Variants in PLXNA4 observed in about 807,000 individuals in gnomAD.
The protein encoded by PLXNA4 is plexin A4, also known as plexin-A4.
In PLXNA4, 44 loss-of-function variants were observed where a neutral mutation model predicts 191.8. The observed-to-expected ratio is 0.23, with a 90% CI of 0.18 to 0.29. The LOEUF (loss-of-function observed/expected upper bound fraction) is 0.29, where lower values mean the gene tolerates loss of function less well. PLXNA4 is among the 10% of genes least tolerant of loss of function. PLXNA4 has a pLI of 1.00. For missense variants in PLXNA4, 1,800 were observed against 2,488.8 expected (o/e 0.72, Z 5.89); for synonymous variants, 1,082 against 1,009.5 (o/e 1.07, Z -1.36).
chr7:132,495,866 G>A (rs1797992727), intron 2 of PLXNA4, among the ~76,000 whole-genome samples: 1 of 152,172 alleles, frequency 6.6e-6, no homozygotes, highest in Non-Finnish European at 1.5e-5. Context: ...AGGGAAATAG[G>A]CACTAGATGA....
intron 25 of PLXNA4, among the ~76,000 whole-genome samples, chr7:132,151,310 G>GGAGA (rs1562884876): frequency 2.8e-5 from 1 of 35,530 alleles, no homozygotes. Context: ...GGAGGAGGAA[G>GGAGA]AAGGAGGAGG....
intron 20 of PLXNA4, 41 bp downstream of exon 20, chr7:132,179,646 A>ACG (rs372745777): frequency 1.3e-6 from 2 of 1,591,700 alleles, no homozygotes; most frequent in Non-Finnish European, 1.7e-6. Context: ...ATATGCACAC[A>ACG]CGCACACACA....
At chr7:132,211,457 C>G (rs191689279) in intron 9 of PLXNA4, among the ~76,000 whole-genome samples, 98 of 152,358 alleles carry the variant, frequency 6.4e-4, no homozygotes, top group Non-Finnish European at 1.2e-3. Flanking sequence ...CTAGTAGAGA[C>G]TGCCTCTGCG....
chr7:132,527,846 A>T (rs1799467307), intron 1 of PLXNA4, among the ~76,000 whole-genome samples: 1 of 152,182 alleles, frequency 6.6e-6, no homozygotes, highest in Admixed American at 6.5e-5. Context: ...AACAGCCCTG[A>T]GAGGTAACTG....
At chr7:132,268,188 T>C (rs1255701019) in intron 4 of PLXNA4, among the ~76,000 whole-genome samples, 3 of 152,190 alleles carry the variant, frequency 2.0e-5, no homozygotes, top group Admixed American at 6.5e-5. Flanking sequence ...GGCCTTGAGA[T>C]ACAACGTGGC....
At chr7:132,443,359 A>C (rs550868607) in intron 3 of PLXNA4, among the ~76,000 whole-genome samples, 1 of 152,254 alleles carries the variant, frequency 6.6e-6, no homozygotes, top group East Asian at 1.9e-4. Context: ...CTTCAGAGAG[A>C]GCAGTCGCAC....
At chr7:132,317,987 T>A (rs1324677933) in intron 3 of PLXNA4, among the ~76,000 whole-genome samples, 3 of 152,190 alleles carry the variant, frequency 2.0e-5, no homozygotes, top group Non-Finnish European at 2.9e-5. Context: ...AGCGCAAGAA[T>A]CTGTGCCTCC....
At chr7:132,481,169 C>T (rs979261952) in intron 3 of PLXNA4, among the ~76,000 whole-genome samples, 3 of 152,074 alleles carry the variant, frequency 2.0e-5, no homozygotes, top group Non-Finnish European at 4.4e-5. Flanking sequence ...AAGTGCTCCC[C>T]TCTTTAATCC....
intron 4 of PLXNA4, among the ~76,000 whole-genome samples, chr7:132,282,809 G>A (rs1331761127): frequency 6.6e-6 from 1 of 152,092 alleles, no homozygotes; most frequent in Non-Finnish European, 1.5e-5. Flanking sequence ...GAGCAAAACA[G>A]TAAATAAGTA....
intron 24 of PLXNA4, among the ~76,000 whole-genome samples, chr7:132,160,647 C>T (rs1398734331): frequency 1.3e-5 from 2 of 152,128 alleles, no homozygotes; most frequent in Non-Finnish European, 2.9e-5. Context: ...TGGCCCTCCC[C>T]TTCTGGGCTC....
At chr7:132,201,659 C>T (rs1797437993) in intron 12 of PLXNA4, among the ~76,000 whole-genome samples, 1 of 152,154 alleles carries the variant, frequency 6.6e-6, no homozygotes, top group African/African-American at 2.4e-5. Context: ...TGCCATGGTG[C>T]CACAGATGAC....
chr7:132,189,060 GAGAGAGAA>G (rs1469060980), intron 14 of PLXNA4, among the ~76,000 whole-genome samples: 3 of 125,330 alleles, frequency 2.4e-5, no homozygotes, highest in Non-Finnish European at 5.0e-5. Flanking sequence ...GAGAGAGAGA[GAGAGAGAA>G]GATTGTGCAC....
At position 132,392,455 on chromosome 7, in the gene PLXNA4, A is replaced by G. The variant is rs2116998540; in HGVS notation, c.1372-94233T>C. Among the ~76,000 whole-genome samples the G allele has an allele frequency of 2.0e-5, 3 of 152,296 alleles. No homozygotes were observed. In the South Asian group the frequency reaches 6.2e-4, roughly 32 times the overall value. Reference sequence around the variant, plus strand: ...ACTGTTTCTCCCAATCTGTCCTCACAATCTTTCCAGGGCTGCCACTCCCTG... The same window carrying G: ...ACTGTTTCTCCCAATCTGTCCTCACGATCTTTCCAGGGCTGCCACTCCCTG... On this transcript the variant is annotated intron_variant, in intron 3 of 31. Coordinates refer to ENST00000321063, the MANE Select transcript of PLXNA4 (RefSeq NM_020911.2).
At chr7:132,385,393 T>C (rs1805084161) in intron 3 of PLXNA4, 5 of 1,428,806 alleles carry the variant, frequency 3.5e-6, no homozygotes, top group South Asian at 2.9e-5. Context: ...ACAGTAAATA[T>C]GTATTACAGT....
chr7:132,160,282 GAC>G (rs1795910931), intron 24 of PLXNA4, among the ~76,000 whole-genome samples: 1 of 152,218 alleles, frequency 6.6e-6, no homozygotes, highest in Non-Finnish European at 1.5e-5. Context: ...GCAGGTTCAG[GAC>G]ACCTGAGATT....
chr7:132,197,968 T>C (rs1797303584), intron 13 of PLXNA4, among the ~76,000 whole-genome samples: 1 of 152,180 alleles, frequency 6.6e-6, no homozygotes, highest in African/African-American at 2.4e-5. Flanking sequence ...AAACCTCCTC[T>C]ACTAGGTGGG....
intron 4 of PLXNA4, among the ~76,000 whole-genome samples, chr7:132,248,984 G>A (rs1395634713): frequency 6.6e-6 from 1 of 152,348 alleles, no homozygotes; most frequent in African/African-American, 2.4e-5. Flanking sequence ...GGCAGACAGA[G>A]GCACAGGGTC....
At chr7:132,372,445 T>G (rs1804484482) in intron 3 of PLXNA4, among the ~76,000 whole-genome samples, 1 of 152,250 alleles carries the variant, frequency 6.6e-6, no homozygotes. Context: ...CTTTAGGATT[T>G]GTGGATGACA....
chr7:132,298,349 G>C, intron 3 of PLXNA4, 127 bp from the exon 4 acceptor site: 1 of 1,287,734 alleles, frequency 7.8e-7, no homozygotes, highest in Non-Finnish European at 1.0e-6. Context: ...GTGCTCACAG[G>C]CTAAAGCCAA....
Sources: allele counts gnomAD v4.1 joint callset (sites outside exome capture counted in the v4.1 genomes callset), GRCh38; gene constraint gnomAD v4.1.1; transcripts MANE v1.5; gene names NCBI Gene and HGNC (gene_info 2026-07-23, HGNC 2026-07-21).